Variants in UBE3A observed in about 807,000 individuals in gnomAD.
UBE3A encodes ubiquitin-protein ligase E3A.
A neutral mutation model predicts 83.4 loss-of-function variants in UBE3A; 6 were observed. The observed-to-expected ratio is 0.07, with a 90% CI of 0.04 to 0.14. UBE3A has a LOEUF of 0.14. UBE3A is among the 10% of genes least tolerant of loss of function. UBE3A has a pLI of 1.00. For synonymous variants in UBE3A, 337 were observed against 355.4 expected (o/e 0.95, Z 0.58); for missense variants, 456 against 1,036.1 (o/e 0.44, Z 7.69).
At chr15:25,342,995 G>T (rs1427285261) in intron 11 of UBE3A, among the ~76,000 whole-genome samples, 1 of 152,162 alleles carries the variant, frequency 6.6e-6, no homozygotes, top group Non-Finnish European at 1.5e-5. Flanking sequence ...CTGTAAAGGG[G>T]TGGAAGCAGC....
At chr15:25,389,968 C>A (rs1057448791) in intron 4 of UBE3A, among the ~76,000 whole-genome samples, 1 of 152,078 alleles carries the variant, frequency 6.6e-6, no homozygotes, top group South Asian at 2.1e-4. Context: ...ACAAACAACC[C>A]AATTAAAAAA....
At position 25,356,722 on chromosome 15, in the gene UBE3A, C is replaced by A; in HGVS notation, c.1928G>T (p.Gly643Val). Reference sequence around the variant, plus strand: ...AGAGTCTCCCAAGTCACGAAAAGTTCCTTTTTTCCCCATTAGCTTCCTGTA... The same window carrying A: ...AGAGTCTCCCAAGTCACGAAAAGTTACTTTTTTCCCCATTAGCTTCCTGTA... ...VVYRKLMGKKGTFRDLGDSHP... is the reference protein window; with the variant it reads ...VVYRKLMGKKVTFRDLGDSHP... Residue 643 changes from glycine to valine, a missense_variant, in exon 8 of 13, where the codon GGA becomes GTA. Physicochemically the swap from Gly to Val is moderately radical, Grantham distance 109. Transcript: ENST00000648336. 6.2e-7 allele frequency: 1 copy of A among 1,613,418 alleles called. No individual in the cohort carries two copies.
intron 1 of UBE3A, among the ~76,000 whole-genome samples, chr15:25,428,506 C>A (rs1892082526): frequency 1.3e-5 from 2 of 152,176 alleles, no homozygotes; most frequent in African/African-American, 2.4e-5. Flanking sequence ...ATTCTGGTAA[C>A]TTTCTTTGGC....
intron 11 of UBE3A, among the ~76,000 whole-genome samples, chr15:25,350,353 C>T (rs1336616407): frequency 1.3e-5 from 2 of 151,004 alleles, no homozygotes; most frequent in Admixed American, 6.6e-5. Flanking sequence ...CCTGCACCCG[C>T]CAACACACAC....
At chr15:25,394,162 C>A (rs1487940549) in intron 4 of UBE3A, among the ~76,000 whole-genome samples, 1 of 152,134 alleles carries the variant, frequency 6.6e-6, no homozygotes, top group African/African-American at 2.4e-5. Context: ...TATATAATAA[C>A]TGCCTATTAA....
At chr15:25,397,677 A>AT (rs746597008) in intron 4 of UBE3A, among the ~76,000 whole-genome samples, 2 of 152,156 alleles carry the variant, frequency 1.3e-5, no homozygotes, top group Non-Finnish European at 2.9e-5. Flanking sequence ...AATTCCCTGT[A>AT]TTAAAAACAA....
In UBE3A at chr15:25,370,651, T is replaced by C. The variant is rs1451281135; in HGVS notation, c.1523A>G (p.Tyr508Cys). ...MYSERRITVL[Y>C]SLVQGQQLNP... ...CAACTGCTGTCCTTGAACTAAGCTG[T>C]AGAGAACAGTGATTCTTCGTTCACT... Residue 508 changes from tyrosine (Y) to cysteine (C), a missense_variant, in exon 6 of 13, where the codon TAC becomes TGC. Transcript: ENST00000648336. The surrounding 1 kb of genome is among the most constrained non-coding windows in gnomAD (Gnocchi z 4.2). The C allele has an allele frequency of 6.2e-7, 1 of 1,614,158 alleles. No homozygotes were observed. The highest frequency in any genetic ancestry group is 1.7e-5 in the Admixed American group (1 of 60,026).
chr15:25,408,676 TG>T (rs2089278566), intron 3 of UBE3A: 2 of 1,612,730 alleles, frequency 1.2e-6, no homozygotes, highest in Admixed American at 3.3e-5. Context: ...TTACCTCCAC[TG>T]TAACTCTCTA....
chr15:25,354,461 C>A (rs2076954228), intron 10 of UBE3A, 35 bp from the exon 11 acceptor site: 5 of 1,611,582 alleles, frequency 3.1e-6, no homozygotes, highest in Non-Finnish European at 4.2e-6. Flanking sequence ...TAGTTATCTG[C>A]TATACTACTG....
intron 6 of UBE3A, among the ~76,000 whole-genome samples, chr15:25,369,387 A>AC (rs1271066928): frequency 8.9e-5 from 13 of 146,298 alleles, no homozygotes; most frequent in South Asian, 6.4e-4. Flanking sequence ...AAAAAAAAAA[A>AC]ACACACAAAA....
Position 25,339,104 on chromosome 15 carries a change from CCTTTTTTTTGT to C in UBE3A, c.*22_*32del. Reference sequence around the variant, plus strand: ...TTAAATTTTTTCTTTTTTTTTCCTTCCTTTTTTTTGTTTTATTTTGTTTTGTTTTGTTTTAC... The same window carrying C: ...TTAAATTTTTTCTTTTTTTTTCCTTCTTTATTTTGTTTTGTTTTGTTTTAC... On this transcript the variant is annotated 3_prime_UTR_variant, in exon 13 of 13. Coordinates refer to ENST00000648336, the MANE Select transcript of UBE3A (RefSeq NM_130839.5). 7.0e-7 allele frequency: 1 copy of C among 1,437,942 alleles called. No homozygotes were observed. The highest frequency in any genetic ancestry group is 9.2e-7 in the Non-Finnish European group (1 of 1,086,660). 89.1% of individuals were successfully genotyped at this position (1,437,942 alleles called of 1,614,324 possible).
intron 2 of UBE3A, among the ~76,000 whole-genome samples, chr15:25,410,989 A>G (rs1186715031): frequency 6.6e-6 from 1 of 152,202 alleles, no homozygotes; most frequent in Non-Finnish European, 1.5e-5. Context: ...TAAAGTTAAA[A>G]TATCTTTTAA....
intron 1 of UBE3A, chr15:25,421,867 T>C (rs1596419290): frequency 6.6e-6 from 1 of 152,134 alleles, no homozygotes; most frequent in Non-Finnish European, 1.5e-5. Context: ...GAATGTAAAG[T>C]AGTATAATCA....
chr15:25,338,546 G>A lies in UBE3A; in HGVS notation c.*591C>T, dbSNP rs1728065819. 1 of 151,490 alleles carries A rather than the reference G, an allele frequency of 6.6e-6. No homozygotes were observed. The highest frequency in any genetic ancestry group is 2.4e-5 in the African/African-American group (1 of 41,244). The allele number at this position is 151,490 out of a possible 1,614,324, so 9.4% of individuals were successfully genotyped here. On this transcript the variant is annotated 3_prime_UTR_variant, in exon 13 of 13. Coordinates refer to ENST00000648336, the MANE Select transcript of UBE3A (RefSeq NM_130839.5). ...TTTATTGATTGATTCTCAAGATTTT[G>A]CACAGAAAACTCTTTGGGGGCTAGA...
At chr15:25,367,540 G>A (rs2079530924) in intron 6 of UBE3A, among the ~76,000 whole-genome samples, 2 of 151,798 alleles carry the variant, frequency 1.3e-5, no homozygotes, top group African/African-American at 4.8e-5. Context: ...GCAGTTCTAA[G>A]GTATTTGTGA....
rs75076484 is a variant in UBE3A at position 25,379,275 on chromosome 15, A to G, written c.63-3512T>C. 4.4e-3 allele frequency among the ~76,000 whole-genome samples: 664 copies of G among 152,274 alleles called. 2 individuals are homozygous for G. Among genetic ancestry groups the G allele is most frequent in the Middle Eastern group, 0.024 (7 of 294 alleles). ...TATTATTGTTGTAATTGTTACTATC[A>G]CCCTCACAAGTGTATGAGTTAGCAC... On this transcript the variant is annotated intron_variant, in intron 4 of 12. Transcript: ENST00000648336.
At chr15:25,352,884 TCATACATTTAAAAATGATCTTAA>T (rs756298259) in intron 11 of UBE3A, among the ~76,000 whole-genome samples, 3 of 152,204 alleles carry the variant, frequency 2.0e-5, no homozygotes, top group Non-Finnish European at 2.9e-5. Context: ...GCCCTTCAAA[TCATACATTTAAAAATGATCTTAA>T]GATACATACC....
intron 11 of UBE3A, among the ~76,000 whole-genome samples, chr15:25,344,896 T>C (rs186859789): frequency 2.0e-5 from 3 of 152,048 alleles, no homozygotes; most frequent in South Asian, 2.1e-4. Context: ...AATACGAAAA[T>C]CAGGTGAAGG....
intron 6 of UBE3A, among the ~76,000 whole-genome samples, chr15:25,364,628 T>TA (rs1481226816): frequency 1.3e-5 from 2 of 148,728 alleles, no homozygotes; most frequent in African/African-American, 5.0e-5. Flanking sequence ...CGTGGATTTT[T>TA]AGGGTTTTTT....
Sources: gnomAD v4.1 joint callset for allele counts (sites outside exome capture counted in the v4.1 genomes callset) on GRCh38, gnomAD v4.1.1 for gene constraint, Gnocchi (gnomAD v3.1) non-coding constraint, MANE v1.5 for transcripts, NCBI Gene and HGNC (gene_info 2026-07-23, HGNC 2026-07-21) for gene names.